The following SYT17 variants were observed in gnomAD, a reference collection of about 807,000 sequenced individuals.
SYT17 encodes synaptotagmin-17.
A neutral mutation model predicts 46.7 loss-of-function variants in SYT17; 22 were observed. That is an observed-to-expected ratio of 0.47 (90% CI 0.34 to 0.67). The LOEUF is 0.67. SYT17 is among the 30% of genes least tolerant of loss of function. The probability of loss-of-function intolerance (pLI) is 0.01; values close to 1 mark genes in which losing one functional copy is unlikely to be tolerated. For missense variants in SYT17, 519 were observed against 612.8 expected (o/e 0.85, Z 1.62); for synonymous variants, 251 against 248.4 (o/e 1.01, Z -0.10).
rs1009222513 is a variant in SYT17, at chr16:19,268,276, T to C, written c.*1200T>C. On this transcript the variant is annotated 3_prime_UTR_variant, in exon 8 of 8. Transcript: ENST00000355377. ...TTCTGTATCTTTTTCCACAGCATAA[T>C]GTCTGGTGTGATGGGGAGCTATTTA... The C allele has an allele frequency of 6.6e-6, 1 of 152,182 alleles. No homozygotes were observed. The highest frequency in any genetic ancestry group is 2.4e-5 in the African/African-American group (1 of 41,432). The allele number at this position is 152,182 out of a possible 1,614,324, so 9.4% of individuals were successfully genotyped here. A position where few individuals can be genotyped will look rare whatever the true frequency, so the allele number is the denominator to read the frequency against.
chr16:19,200,794 A>G (rs1310840931), intron 5 of SYT17, among the ~76,000 whole-genome samples: 1 of 152,224 alleles, frequency 6.6e-6, no homozygotes, highest in Non-Finnish European at 1.5e-5. Context: ...CAGTGTTGAG[A>G]GAAAGAAGAG....
rs117305833 is a variant in SYT17, at chr16:19,254,488, C to G, written c.1229-12392C>G. On this transcript the variant is annotated intron_variant, in intron 7 of 7. Coordinates refer to ENST00000355377, the MANE Select transcript of SYT17 (RefSeq NM_016524.4). The stretch of plus-strand genomic sequence containing the variant: ...AAGCTGGGCACTGACGGGGGAAGAT[C>G]TGATTTATTATCCCCTAAAGACAAA... Among the ~76,000 whole-genome samples the G allele has an allele frequency of 2.0e-3, 305 of 152,258 alleles. 2 individuals carry two copies. The highest frequency in any genetic ancestry group is 3.2e-3 in the Non-Finnish European group (216 of 68,018).
chr16:19,243,819 CAAAAAAAAA>C (rs760219447), intron 7 of SYT17, among the ~76,000 whole-genome samples: 3 of 56,920 alleles, frequency 5.3e-5, no homozygotes, highest in Non-Finnish European at 9.6e-5. Context: ...AAAACTCCAT[CAAAAAAAAA>C]AAAAAAAAAA....
At chr16:19,186,443 C>T (rs548648834) in intron 5 of SYT17, among the ~76,000 whole-genome samples, 5 of 152,136 alleles carry the variant, frequency 3.3e-5, no homozygotes, top group African/African-American at 1.2e-4. Flanking sequence ...ATGATTGCGC[C>T]GATGCACTCC....
intron 7 of SYT17, chr16:19,249,994 A>C (rs1248069420): frequency 6.5e-7 from 1 of 1,536,078 alleles, no homozygotes; most frequent in Non-Finnish European, 8.7e-7. Context: ...AGCTCATGGT[A>C]TCAGTCCTTG....
intron 5 of SYT17, among the ~76,000 whole-genome samples, chr16:19,221,618 C>T (rs1239101563): frequency 6.6e-6 from 1 of 152,118 alleles, no homozygotes; most frequent in Non-Finnish European, 1.5e-5. Context: ...ACTGTTCACC[C>T]TGTCAGTAGA....
At chr16:19,246,315 A>G (rs1967559133) in intron 7 of SYT17, among the ~76,000 whole-genome samples, 1 of 152,144 alleles carries the variant, frequency 6.6e-6, no homozygotes, top group African/African-American at 2.4e-5. Flanking sequence ...TGTATATTGT[A>G]TTACTATTTC....
chr16:19,194,052 GC>G (rs1443630075), intron 5 of SYT17, among the ~76,000 whole-genome samples: 1 of 152,150 alleles, frequency 6.6e-6, no homozygotes. Flanking sequence ...CATCTTCCAT[GC>G]CTCACCTTCT....
At chr16:19,190,569 C>T (rs921570028) in intron 5 of SYT17, among the ~76,000 whole-genome samples, 1 of 152,116 alleles carries the variant, frequency 6.6e-6, no homozygotes, top group Non-Finnish European at 1.5e-5. Flanking sequence ...CTCCCCATCT[C>T]CCTCTCCCCG....
chr16:19,174,023 AT>A (rs1261859570), intron 3 of SYT17, among the ~76,000 whole-genome samples: 1 of 152,202 alleles, frequency 6.6e-6, no homozygotes, highest in Non-Finnish European at 1.5e-5. Flanking sequence ...TAAAAGCTCG[AT>A]AAATATCCAT....
chr16:19,210,491 A>AT (rs35383401), intron 5 of SYT17, among the ~76,000 whole-genome samples: 200 of 146,706 alleles, frequency 1.4e-3, no homozygotes, highest in Non-Finnish European at 2.1e-3. Context: ...TTTAAAGGGT[A>AT]TTTTTTTTTT....
intron 5 of SYT17, among the ~76,000 whole-genome samples, chr16:19,190,423 T>G (rs1964965431): frequency 6.6e-6 from 1 of 152,154 alleles, no homozygotes; most frequent in African/African-American, 2.4e-5. Flanking sequence ...ACACACACCA[T>G]GAAATTTACC....
chr16:19,227,000 T>G (rs1181504111), intron 7 of SYT17, among the ~76,000 whole-genome samples: 1 of 152,188 alleles, frequency 6.6e-6, no homozygotes, highest in African/African-American at 2.4e-5. Context: ...GGAGCTGATG[T>G]CTGGGTCCTG....
rs1969432237 is a variant in SYT17, at chr16:19,267,272, C to A, written c.*196C>A. The A allele has an allele frequency of 1.1e-5, 5 of 464,458 alleles. No homozygotes were observed. In the East Asian group the frequency reaches 1.9e-4, roughly 17 times the overall value. 28.8% of individuals were successfully genotyped at this position (464,458 alleles called of 1,614,324 possible). ...CTGACTATTGATCACAAAATGGCCG[C>A]CCTCAGTTGAGTGAGGCCTAGGAAC... On this transcript the variant is annotated 3_prime_UTR_variant, in exon 8 of 8. Transcript: ENST00000355377.
chr16:19,188,532 A>G (rs1016883131), intron 5 of SYT17, among the ~76,000 whole-genome samples: 4 of 151,524 alleles, frequency 2.6e-5, no homozygotes, highest in Non-Finnish European at 5.9e-5. Context: ...AAAAAAAAAA[A>G]AAAAAAGAAA....
At position 19,267,544 on chromosome 16, in the gene SYT17, C is replaced by CT. The variant is rs1969447943; in HGVS notation, c.*469dup. 1.3e-5 allele frequency: 2 copies of CT among 153,170 alleles called. No homozygotes were observed. The highest frequency in any genetic ancestry group is 4.1e-4 in the South Asian group (2 of 4,874). The allele number at this position is 153,170 out of a possible 1,614,324, so 9.5% of individuals were successfully genotyped here. A position where few individuals can be genotyped will look rare whatever the true frequency, so the allele number is the denominator to read the frequency against. ...ACCTACTGGGTAACTTCTGAACAGGCTGCTGTTCCCTGGGGTTCTTCAAAC... is the reference window on the plus strand; with the variant it reads ...ACCTACTGGGTAACTTCTGAACAGGCTTGCTGTTCCCTGGGGTTCTTCAAAC... On this transcript the variant is annotated 3_prime_UTR_variant, in exon 8 of 8. Coordinates refer to ENST00000355377, the MANE Select transcript of SYT17 (RefSeq NM_016524.4).
intron 7 of SYT17, among the ~76,000 whole-genome samples, chr16:19,265,842 A>T (rs981603310): frequency 2.6e-4 from 39 of 152,256 alleles, no homozygotes; most frequent in Admixed American, 1.1e-3. Context: ...GTTGGGATTA[A>T]CAGAGAAGCC....
chr16:19,234,262 G>A (rs71384403), intron 7 of SYT17, among the ~76,000 whole-genome samples: 1 of 151,970 alleles, frequency 6.6e-6, no homozygotes, highest in Non-Finnish European at 1.5e-5. Flanking sequence ...GGAGTCCAAG[G>A]CTGCAGTAAA....
At chr16:19,205,465 G>A (rs1180974467) in intron 5 of SYT17, among the ~76,000 whole-genome samples, 1 of 149,536 alleles carries the variant, frequency 6.7e-6, no homozygotes, top group African/African-American at 2.5e-5. Context: ...TTTGAGACAA[G>A]GTCTCACTCT....
Sources: allele counts gnomAD v4.1 joint callset (sites outside exome capture counted in the v4.1 genomes callset), GRCh38; gene constraint gnomAD v4.1.1; transcripts MANE v1.5; gene names NCBI Gene and HGNC (gene_info 2026-07-23, HGNC 2026-07-21).